The following PATL1 variants were observed in gnomAD, a reference collection of about 807,000 sequenced individuals.
PATL1 encodes the protein PAT1 homolog 1, processing body mRNA decay factor.
In PATL1, 32 loss-of-function variants were observed where a neutral mutation model predicts 100.6. That is an observed-to-expected ratio of 0.32 (90% CI 0.24 to 0.43). The LOEUF (loss-of-function observed/expected upper bound fraction) is 0.43. Ranked by LOEUF, PATL1 falls within the 20% of genes least tolerant of loss-of-function variation. PATL1 has a pLI of 1.00. For synonymous variants in PATL1, 332 were observed against 330.0 expected, an observed-to-expected ratio of 1.01 and a Z score of -0.07; for missense variants, 747 against 949.9, an observed-to-expected ratio of 0.79 and a Z score of 2.81.
intron 4 of PATL1, 67 bp downstream of exon 4, chr11:59,658,799 G>C (rs753363045): frequency 2.5e-5 from 31 of 1,227,854 alleles, no homozygotes; most frequent in Non-Finnish European, 3.6e-5. Flanking sequence ...AGTAAGGAAA[G>C]GATGACGACA....
chr11:59,650,856 T>C (rs1284811204), intron 12 of PATL1, 43 bp from the exon 13 acceptor site: 2 of 1,329,732 alleles, frequency 1.5e-6, no homozygotes, highest in South Asian at 2.7e-5. Context: ...TTTATCTCTG[T>C]TAAAATAATT....
chr11:59,642,751 G>A (rs1861304285), intron 16 of PATL1, 129 bp downstream of exon 16: 10 of 985,644 alleles, frequency 1.0e-5, no homozygotes, highest in African/African-American at 1.6e-5. Context: ...GTTACTAGGA[G>A]CTTAATGTAA....
In PATL1 at chr11:59,668,866, G is replaced by A; in HGVS notation, c.15+15C>T. On this transcript the variant is annotated intron_variant, in intron 1 of 18. Transcript: ENST00000300146. ...GGGAGGGAGGGAGGGGTCACTTCCG[G>A]TCGCAACAGCTCACCTCGTAGCGGA... 2 of 1,335,318 alleles carry A rather than the reference G, an allele frequency of 1.5e-6. No homozygotes were observed. Among genetic ancestry groups the A allele is most frequent in the South Asian group, 1.4e-5 (1 of 71,800 alleles). 82.7% of individuals were successfully genotyped at this position (1,335,318 alleles called of 1,614,324 possible). A position where few individuals can be genotyped will look rare whatever the true frequency, so the allele number is the denominator to read the frequency against.
chr11:59,655,790 G>A (rs1247973177), intron 7 of PATL1, 50 bp from the exon 8 acceptor site: 2 of 1,493,594 alleles, frequency 1.3e-6, no homozygotes, highest in Admixed American at 4.0e-5. Flanking sequence ...AAGTCCCCTT[G>A]CTTTTGTCTA....
In PATL1 at chr11:59,651,643, T is replaced by C; in HGVS notation, c.1427-2A>G. The stretch of plus-strand genomic sequence containing the variant: ...TTCCCAAAGAGCCCTCAAATTGCAC[T>C]GCAAAGACAAAAAAAAAAAAAATTC... On this transcript the variant is annotated splice_acceptor_variant, in intron 11 of 18. Transcript: ENST00000300146. LOFTEE classifies it high-confidence loss of function. 6.4e-7 allele frequency: 1 copy of C among 1,568,282 alleles called. No homozygotes were observed. The highest frequency in any genetic ancestry group is 1.2e-5 in the South Asian group (1 of 86,876).
intron 15 of PATL1, among the ~76,000 whole-genome samples, chr11:59,646,756 T>C (rs960650060): frequency 6.6e-6 from 1 of 152,246 alleles, no homozygotes; most frequent in Admixed American, 6.5e-5. Context: ...TGTCCCACTT[T>C]TATCAGTTTC....
rs750390194 is a variant in PATL1, at chr11:59,656,052, T to TAAAAA, written c.724-12_724-8dup. The TAAAAA allele has an allele frequency of 3.8e-5, 29 of 767,008 alleles. 2 individuals carry two copies. Among genetic ancestry groups the TAAAAA allele is most frequent in the South Asian group, 9.6e-5 (3 of 31,192 alleles). The allele number at this position is 767,008 out of a possible 1,614,324, so 47.5% of individuals were successfully genotyped here. A position where few individuals can be genotyped will look rare whatever the true frequency, so the allele number is the denominator to read the frequency against. On this transcript the variant is annotated splice_polypyrimidine_tract_variant and splice_region_variant and intron_variant, in intron 6 of 18. Transcript: ENST00000300146. ...GACCCAGGAGGGAAGAGTTCTAAGGTAAAAAAAAAAAAAAAAAAAAGAATA... is the reference window on the plus strand; with the variant it reads ...GACCCAGGAGGGAAGAGTTCTAAGGTAAAAAAAAAAAAAAAAAAAAAAAAAGAATA...
At chr11:59,650,305 A>G (rs1861423596) in intron 13 of PATL1, among the ~76,000 whole-genome samples, 1 of 152,212 alleles carries the variant, frequency 6.6e-6, no homozygotes, top group Non-Finnish European at 1.5e-5. Context: ...ACTTTCAACC[A>G]CTATGGTGTA....
At position 59,652,966 on chromosome 11, in the gene PATL1, G is replaced by C. The variant is rs776920489; in HGVS notation, c.1174C>G (p.His392Asp). ...GGATCCTTTCGGAGATGATCTTGAT[G>C]ACTGCTCCGGTGACTTCCTCTATCT... Reference protein sequence around the residue: ...AGDRGSHRSSHQDHLRKDPYA... With the variant: ...AGDRGSHRSSDQDHLRKDPYA... The change falls in exon 10 of 19, where the codon CAT (histidine) becomes GAT (aspartate). Residue 392 changes from histidine (H) to aspartate (D), a missense_variant. Around this residue, in one of 4 missense-constraint regions of PATL1, gnomAD observed 434 missense variants for 596.1 expected, o/e 0.73. Coordinates refer to ENST00000300146, the MANE Select transcript of PATL1 (RefSeq NM_152716.3). 1 of 1,613,980 alleles carries C rather than the reference G, an allele frequency of 6.2e-7. No individual in the cohort carries two copies. Among genetic ancestry groups the C allele is most frequent in the South Asian group, 1.1e-5 (1 of 91,076 alleles).
At chr11:59,640,805 G>A (rs1001169457) in intron 16 of PATL1, among the ~76,000 whole-genome samples, 8 of 152,154 alleles carry the variant, frequency 5.3e-5, no homozygotes, top group African/African-American at 1.9e-4. Context: ...GGTGGAGGCA[G>A]TACTGCTTGA....
intron 2 of PATL1, among the ~76,000 whole-genome samples, chr11:59,660,966 C>T (rs1396472611): frequency 6.6e-6 from 1 of 152,152 alleles, no homozygotes; most frequent in Non-Finnish European, 1.5e-5. Context: ...TCTTCAGAAC[C>T]CTCTATCAGC....
intron 1 of PATL1, among the ~76,000 whole-genome samples, chr11:59,667,455 A>AGTGATGAAACAGGCCTAAACTC (rs1861707199): frequency 6.6e-6 from 1 of 152,100 alleles, no homozygotes; most frequent in African/African-American, 2.4e-5. Flanking sequence ...TATCTTCCCT[A>AGTGATGAAACAGGCCTAAACTC]TAGGCCTAAA....
chr11:59,669,025 G>A lies in PATL1; in HGVS notation c.-130C>T, dbSNP rs1055674852. ...CCTGGCCGCCGCCGTACGCCGGAGC[G>A]TGCGTGGGGACGTGCGCAGGCGCGC... On this transcript the variant is annotated 5_prime_UTR_variant, in exon 1 of 19. In the 5' UTR this introduces an upstream ATG that the reference lacks. Transcript: ENST00000300146. 14 of 241,536 alleles carry A rather than the reference G, an allele frequency of 5.8e-5. No individual in the cohort carries two copies. Among genetic ancestry groups the A allele is most frequent in the African/African-American group, 2.5e-4 (11 of 43,262 alleles). 15.0% of individuals were successfully genotyped at this position (241,536 alleles called of 1,614,324 possible). A position where few individuals can be genotyped will look rare whatever the true frequency, so the allele number is the denominator to read the frequency against.
At position 59,648,209 on chromosome 11, in the gene PATL1, G is replaced by A. The variant is rs1438477591; in HGVS notation, c.1734-296C>T. On this transcript the variant is annotated intron_variant, in intron 14 of 18. Coordinates refer to ENST00000300146, the MANE Select transcript of PATL1 (RefSeq NM_152716.3). ...TCTTTTTTTTTTTTTTTTTTGAGAC[G>A]AAGTCCCGCTTTGTTACCCAGGCTG... Among the ~76,000 whole-genome samples, 193 of 128,220 alleles carry A rather than the reference G, an allele frequency of 1.5e-3. 1 individual carries two copies. The highest frequency in any genetic ancestry group is 5.6e-3 in the African/African-American group (184 of 32,648). The allele number at this position is 128,220 out of a possible 152,430, so 84.1% of individuals were successfully genotyped here.
rs191509450 is a variant in PATL1, at chr11:59,647,080, G to A, written c.1893+674C>T. 9.2e-5 allele frequency among the ~76,000 whole-genome samples: 14 copies of A among 151,902 alleles called. No individual in the cohort carries two copies. The East Asian group carries it at 2.1e-3, about 23-fold the overall frequency. The stretch of plus-strand genomic sequence containing the variant: ...ACAAAAGGTAAAAAAAAAATTAGCC[G>A]AGCATGGTGTCGCATGCCTGTAGTC... On this transcript the variant is annotated intron_variant, in intron 15 of 18. Transcript: ENST00000300146.
chr11:59,665,394 A>G (rs1315668530), intron 2 of PATL1, among the ~76,000 whole-genome samples: 2 of 152,254 alleles, frequency 1.3e-5, no homozygotes, highest in Non-Finnish European at 2.9e-5. Flanking sequence ...TGCGACTACA[A>G]AAGAATCACA....
At chr11:59,652,705 G>A (rs558373520) in intron 10 of PATL1, 118 bp from the exon 11 acceptor site, 2 of 1,514,206 alleles carry the variant, frequency 1.3e-6, no homozygotes, top group African/African-American at 1.4e-5. Context: ...TATACTGATA[G>A]TGAATAGTGC....
intron 16 of PATL1, 101 bp from the exon 17 acceptor site, chr11:59,639,484 C>A: frequency 1.2e-6 from 1 of 854,256 alleles, no homozygotes; most frequent in Non-Finnish European, 1.9e-6. Context: ...AGCTCTAAAT[C>A]AAAATAACCT....
chr11:59,653,112 T>TC, intron 9 of PATL1, 94 bp from the exon 10 acceptor site: 1 of 1,180,850 alleles, frequency 8.5e-7, no homozygotes, highest in South Asian at 1.8e-5. Context: ...TTTTTTTTTT[T>TC]TTAAAGATTC....
Sources: gnomAD v4.1 joint callset for allele counts (sites outside exome capture counted in the v4.1 genomes callset) on GRCh38, gnomAD v4.1.1 for gene constraint, gnomAD v4.1.1 regional missense constraint, MANE v1.5 for transcripts, NCBI Gene and HGNC (gene_info 2026-07-23, HGNC 2026-07-21) for gene names.